The following TCTN3 variants were observed in gnomAD, a reference collection of about 807,000 sequenced individuals.
TCTN3 encodes tectonic family member 3.
TCTN3 carries 57 observed loss-of-function variants against 71.3 expected under a neutral mutation model. The ratio of observed to expected loss-of-function variants is 0.80; its 90% confidence interval spans 0.65 to 1.00. The LOEUF (loss-of-function observed/expected upper bound fraction) is 1.00, where lower values mean the gene tolerates loss of function less well. Ranked by LOEUF, TCTN3 falls within the 50% of genes least tolerant of loss-of-function variation. The probability of loss-of-function intolerance (pLI) is 0.00; values close to 1 mark genes in which losing one functional copy is unlikely to be tolerated. For synonymous variants in TCTN3, 258 were observed against 267.8 expected (o/e 0.96, Z 0.36); for missense variants, 696 against 719.9 (o/e 0.97, Z 0.38).
chr10:95,674,822 A>AGAATGAAT (rs10678463), intron 13 of TCTN3, among the ~76,000 whole-genome samples: 11,008 of 150,756 alleles, frequency 0.073, 531 homozygotes, highest in Middle Eastern at 0.2. Flanking sequence ...CCCCATCTCT[A>AGAATGAAT]GAATGAATGA....
intron 13 of TCTN3, among the ~76,000 whole-genome samples, chr10:95,680,202 A>G (rs1289890780): frequency 6.6e-6 from 1 of 152,228 alleles, no homozygotes; most frequent in Admixed American, 6.5e-5. Flanking sequence ...TAATAATGGT[A>G]GGATTACTGA....
At chr10:95,682,905 A>G in intron 11 of TCTN3, 101 bp from the exon 12 acceptor site, 1 of 1,452,066 alleles carries the variant, frequency 6.9e-7, no homozygotes. Flanking sequence ...AATATAAAAT[A>G]GACCAGAGGG....
intron 13 of TCTN3, among the ~76,000 whole-genome samples, chr10:95,667,415 C>G (rs1026072985): frequency 2.0e-5 from 3 of 152,016 alleles, no homozygotes; most frequent in African/African-American, 7.2e-5. Context: ...GAAAGAAGGC[C>G]AAACCTGAAA....
chr10:95,674,901 A>C (rs1023598439), intron 13 of TCTN3, among the ~76,000 whole-genome samples: 1 of 152,218 alleles, frequency 6.6e-6, no homozygotes, highest in Non-Finnish European at 1.5e-5. Flanking sequence ...TTTTTCTTTA[A>C]ATATCTCCAT....
chr10:95,684,779 T>C (rs1360358594), intron 8 of TCTN3, among the ~76,000 whole-genome samples, 155 bp from the exon 9 acceptor site: 4 of 152,146 alleles, frequency 2.6e-5, no homozygotes, highest in African/African-American at 4.8e-5. Context: ...CTATGAAAGA[T>C]AAAGATGATT....
chr10:95,683,049 T>C, intron 11 of TCTN3, 52 bp downstream of exon 11: 1 of 1,505,664 alleles, frequency 6.6e-7, no homozygotes, highest in Non-Finnish European at 9.2e-7. Flanking sequence ...TATCAACATA[T>C]TCCCTACATA....
Position 95,693,378 on chromosome 10 carries a change from A to ATT in TCTN3, c.354_355insAA (p.Ser119AsnfsTer9). 6.4e-7 allele frequency: 1 copy of ATT among 1,551,914 alleles called. No homozygotes were observed. Among genetic ancestry groups the ATT allele is most frequent in the South Asian group, 1.2e-5 (1 of 84,068 alleles). On this transcript the variant is annotated frameshift_variant, in exon 2 of 14. Coordinates refer to ENST00000371217, the MANE Select transcript of TCTN3 (RefSeq NM_015631.6). LOFTEE classifies it high-confidence loss of function. ...CTTACGCTGCCTGGAAGGCAGAAGGAGAAAACTGTCCTCGGATGGAGAAGA... is the reference window on the plus strand; with the variant it reads ...CTTACGCTGCCTGGAAGGCAGAAGGATTGAAAACTGTCCTCGGATGGAGAAGA...
At position 95,664,177 on chromosome 10, in the gene TCTN3, G is replaced by T. The variant is rs1313394214; in HGVS notation, c.1714C>A (p.Pro572Thr). The T allele has an allele frequency of 1.9e-6, 3 of 1,614,224 alleles. No homozygotes were observed. Among genetic ancestry groups the T allele is most frequent in the Non-Finnish European group, 2.5e-6 (3 of 1,180,046 alleles). ...CCTCTGCTGAATGCCACTTTGAAGG[G>T]AAAGAAGTCGAATGGCCATTTCCAG... ...MDWKWPFDFF[P>T]FKVAFSRGVF... Residue 572 changes from proline to threonine, a missense_variant, in exon 14 of 14, where the codon CCC (proline) becomes ACC (threonine). Coordinates refer to ENST00000371217, the MANE Select transcript of TCTN3 (RefSeq NM_015631.6).
chr10:95,693,559 A>G lies in TCTN3; in HGVS notation c.257-83T>C. ...TCACCCTCCTTCTTCCGACAGCCCC[A>G]CTCCTGCTTTGTGGCAGCTCAACTT... On this transcript the variant is annotated intron_variant, in intron 1 of 13. Coordinates refer to ENST00000371217, the MANE Select transcript of TCTN3 (RefSeq NM_015631.6). 5.2e-6 allele frequency: 8 copies of G among 1,547,198 alleles called. No individual in the cohort carries two copies. The Admixed American group carries it at 1.6e-4, about 31-fold the overall frequency.
intron 3 of TCTN3, among the ~76,000 whole-genome samples, chr10:95,690,337 T>C (rs747310265): frequency 2.0e-5 from 3 of 152,176 alleles, no homozygotes; most frequent in Non-Finnish European, 4.4e-5. Flanking sequence ...CATCCTTTCA[T>C]GGTGTTGACA....
In TCTN3 at chr10:95,693,892, G is replaced by A. The variant is rs767454732; in HGVS notation, c.8C>T (p.Thr3Ile). Residue 3 changes from threonine to isoleucine, a missense_variant, in exon 1 of 14, where the codon ACC (threonine) becomes ATC (isoleucine). Transcript: ENST00000371217. MR[T>I]PQLALLQVFF... is the part of the protein sequence containing the mutation. Reference sequence around the variant, plus strand: ...CACTTGCAGGAGCGCGAGCTGTGGGGTGCGCATGGGGCATTCAGGGCCTCC... The same window carrying A: ...CACTTGCAGGAGCGCGAGCTGTGGGATGCGCATGGGGCATTCAGGGCCTCC... The A allele has an allele frequency of 1.9e-6, 3 of 1,551,690 alleles. No homozygotes were observed. The highest frequency in any genetic ancestry group is 2.6e-6 in the Non-Finnish European group (3 of 1,146,998).
Position 95,687,147 on chromosome 10 carries a change from C to A in TCTN3, c.749G>T (p.Ser250Ile). Residue 250 changes from serine (S) to isoleucine (I), a missense_variant, in exon 6 of 14, where the codon AGT (serine) becomes ATT (isoleucine). Coordinates refer to ENST00000371217, the MANE Select transcript of TCTN3 (RefSeq NM_015631.6). ...AAAACGAGTGCAAGTTGTACTTTTA[C>A]TCTCTAGGAAACCTTAAACACAAAT... ...AESNPAGFLE[S>I]KSTTCTRFFK... is the part of the protein sequence containing the mutation. The A allele has an allele frequency of 6.2e-7, 1 of 1,614,010 alleles. No homozygotes were observed. Among genetic ancestry groups the A allele is most frequent in the Non-Finnish European group, 8.5e-7 (1 of 1,179,878 alleles).
At chr10:95,680,098 C>A (rs1347458619) in intron 13 of TCTN3, among the ~76,000 whole-genome samples, 2 of 152,162 alleles carry the variant, frequency 1.3e-5, no homozygotes, top group Admixed American at 6.6e-5. Flanking sequence ...ACTTTAATCA[C>A]AATCAACAGG....
intron 9 of TCTN3, among the ~76,000 whole-genome samples, chr10:95,683,961 A>AT (rs993109920): frequency 7.3e-4 from 31 of 42,432 alleles, no homozygotes; most frequent in African/African-American, 1.4e-3. Flanking sequence ...TTTAAATGTA[A>AT]TTAAAAAATA....
At chr10:95,682,570 A>T in intron 12 of TCTN3, 81 bp downstream of exon 12, 1 of 1,481,996 alleles carries the variant, frequency 6.7e-7, no homozygotes, top group Non-Finnish European at 9.1e-7. Flanking sequence ...TATGGAGACA[A>T]GGCTGGTTTT....
intron 13 of TCTN3, among the ~76,000 whole-genome samples, chr10:95,665,666 T>G (rs2097924953): frequency 6.6e-6 from 1 of 152,178 alleles, no homozygotes; most frequent in African/African-American, 2.4e-5. Context: ...CTATTCTAAC[T>G]CATTTCAGAG....
Position 95,693,009 on chromosome 10 carries a change from G to C in TCTN3, c.410C>G (p.Ser137Cys). 6.2e-7 allele frequency: 1 copy of C among 1,613,774 alleles called. No homozygotes were observed. The highest frequency in any genetic ancestry group is 8.5e-7 in the Non-Finnish European group (1 of 1,179,750). ...RSSSWVCVDNSVIFRSNSPFP... is the reference protein window; with the variant it reads ...RSSSWVCVDNCVIFRSNSPFP... ...CGGGGAATTACTCCTGAAGATAACA[G>C]AGTTGTCTACACAAACCCAGCTTGA... Residue 137 changes from serine to cysteine, a missense_variant, in exon 3 of 14, where the codon TCT becomes TGT. Coordinates refer to ENST00000371217, the MANE Select transcript of TCTN3 (RefSeq NM_015631.6).
intron 3 of TCTN3, among the ~76,000 whole-genome samples, chr10:95,691,835 C>T (rs1020882766): frequency 2.0e-5 from 3 of 152,156 alleles, no homozygotes; most frequent in Admixed American, 2.0e-4. Flanking sequence ...AGAGCGCTTT[C>T]ATATACAAAG....
chr10:95,680,726 C>T, intron 12 of TCTN3, 117 bp from the exon 13 acceptor site: 1 of 1,203,646 alleles, frequency 8.3e-7, no homozygotes, highest in South Asian at 1.6e-5. Context: ...GGCAATGTAG[C>T]TTAGTGGAAG....
Sources: allele counts gnomAD v4.1 joint callset (sites outside exome capture counted in the v4.1 genomes callset), GRCh38; gene constraint gnomAD v4.1.1; transcripts MANE v1.5; gene names NCBI Gene and HGNC (gene_info 2026-07-23, HGNC 2026-07-21).